Variants in SECISBP2L observed in about 807,000 individuals in gnomAD.
SECISBP2L encodes selenocysteine insertion sequence-binding protein 2-like.
A neutral mutation model predicts 114.7 loss-of-function variants in SECISBP2L; 43 were observed. The ratio of observed to expected loss-of-function variants is 0.38; its 90% CI spans 0.29 to 0.48. The LOEUF (loss-of-function observed/expected upper bound fraction) is 0.48. Among genes scored for constraint, SECISBP2L ranks in the 20% least tolerant of loss-of-function variants. The pLI is 0.98. For missense variants in SECISBP2L, 1,136 were observed against 1,301.1 expected (o/e 0.87, Z 1.95); for synonymous variants, 451 against 439.7 (o/e 1.03, Z -0.32).
Position 49,046,262 on chromosome 15 carries a change from C to T in SECISBP2L, c.24+14G>A. On this transcript the variant is annotated intron_variant, in intron 1 of 17. Transcript: ENST00000559471. ...CAACCCCCGGCTCGGCGGGCCCAGC[C>T]CAAACCCGCGTACCTGCTCCGTGGG... 6.4e-7 allele frequency: 1 copy of T among 1,563,462 alleles called. No homozygotes were observed. Among genetic ancestry groups the T allele is most frequent in the East Asian group, 2.4e-5 (1 of 41,342 alleles).
rs1247025281 is a variant in SECISBP2L, at chr15:49,011,773, C to T, written c.1822G>A (p.Asp608Asn). 1.9e-6 allele frequency: 3 copies of T among 1,614,084 alleles called. No homozygotes were observed. The highest frequency in any genetic ancestry group is 2.2e-5 in the East Asian group (1 of 44,852). Residue 608 changes from aspartate (D) to asparagine (N), a missense_variant, in exon 13 of 18, where the codon GAT becomes AAT. Asp to Asn is a conservative substitution (Grantham distance 23, BLOSUM62 1). Coordinates refer to ENST00000559471, the MANE Select transcript of SECISBP2L (RefSeq NM_001193489.2). ...GSEEPTEMHL[D>N]FIDDLPQEIV... Reference sequence around the variant, plus strand: ...TCCTGTGGCAAGTCATCAATAAAATCTAAGTGCATTTCTGTTGGTTCCTCG... The same window carrying T: ...TCCTGTGGCAAGTCATCAATAAAATTTAAGTGCATTTCTGTTGGTTCCTCG...
At chr15:49,035,790 C>T (rs1261373286) in intron 2 of SECISBP2L, 132 bp from the exon 3 acceptor site, 9 of 748,566 alleles carry the variant, frequency 1.2e-5, no homozygotes, top group Non-Finnish European at 1.7e-5. Context: ...GGAAAGGAGA[C>T]AAAACTATCA....
intron 2 of SECISBP2L, 56 bp from the exon 3 acceptor site, chr15:49,035,714 A>G (rs762069483): frequency 1.3e-4 from 189 of 1,480,402 alleles, no homozygotes; most frequent in Admixed American, 2.1e-4. Flanking sequence ...AAATACCACT[A>G]AAGCAAAATC....
At chr15:49,029,210 C>T (rs1902831279) in intron 4 of SECISBP2L, among the ~76,000 whole-genome samples, 1 of 152,140 alleles carries the variant, frequency 6.6e-6, no homozygotes, top group African/African-American at 2.4e-5. Flanking sequence ...CACTAAAATA[C>T]TAAAACCACC....
At chr15:49,004,008 G>A (rs1367865152) in intron 14 of SECISBP2L, among the ~76,000 whole-genome samples, 2 of 152,190 alleles carry the variant, frequency 1.3e-5, no homozygotes, top group African/African-American at 2.4e-5. Context: ...AGTTTCAGAA[G>A]GAATGGTACC....
chr15:48,989,783 A>AGGTCTTCAAAATATCCAT lies in SECISBP2L; in HGVS notation c.*2460_*2461insATGGATATTTTGAAGACC, dbSNP rs1901934654. On this transcript the variant is annotated 3_prime_UTR_variant, in exon 18 of 18. Coordinates refer to ENST00000559471, the MANE Select transcript of SECISBP2L (RefSeq NM_001193489.2). The stretch of plus-strand genomic sequence containing the variant: ...TACTCTTCCCACTGGATCTCTTTAT[A>AGGTCTTCAAAATATCCAT]GGTCTTCAAAGAGCCAACCATGCCC... 1 of 152,280 alleles carries AGGTCTTCAAAATATCCAT rather than the reference A, an allele frequency of 6.6e-6. No individual in the cohort carries two copies. The allele number at this position is 152,280 out of a possible 1,614,324, so 9.4% of individuals were successfully genotyped here. A position where few individuals can be genotyped will look rare whatever the true frequency, so the allele number is the denominator to read the frequency against.
At chr15:49,033,372 G>T (rs1385003412) in intron 3 of SECISBP2L, among the ~76,000 whole-genome samples, 1 of 152,052 alleles carries the variant, frequency 6.6e-6, no homozygotes, top group Non-Finnish European at 1.5e-5. Flanking sequence ...ATTTTTAACT[G>T]CTAATTTTCT....
intron 14 of SECISBP2L, among the ~76,000 whole-genome samples, chr15:49,004,558 G>A (rs1902278025): frequency 6.6e-6 from 1 of 152,184 alleles, no homozygotes; most frequent in Non-Finnish European, 1.5e-5. Flanking sequence ...ACTTTCTCCT[G>A]TGGGCATTTT....
chr15:48,998,415 C>G (rs1407319272), intron 16 of SECISBP2L, among the ~76,000 whole-genome samples: 2 of 152,060 alleles, frequency 1.3e-5, no homozygotes, highest in African/African-American at 4.8e-5. Context: ...AAAACAATAG[C>G]CCCTATGTGG....
chr15:48,989,426 C>A lies in SECISBP2L; in HGVS notation c.*2818G>T, dbSNP rs1566848616. The A allele has an allele frequency of 6.6e-6, 1 of 152,550 alleles. No individual in the cohort carries two copies. Among genetic ancestry groups the A allele is most frequent in the Non-Finnish European group, 1.5e-5 (1 of 68,016 alleles). The allele number at this position is 152,550 out of a possible 1,614,324, so 9.4% of individuals were successfully genotyped here. ...ATATAAAATACCATCTCTGCAAAAA[C>A]AACCTCCAGTCAAAGCCAGTAAAAA... On this transcript the variant is annotated 3_prime_UTR_variant, in exon 18 of 18. Transcript: ENST00000559471.
intron 9 of SECISBP2L, 53 bp from the exon 10 acceptor site, chr15:49,017,068 T>A: frequency 1.9e-6 from 3 of 1,569,452 alleles, no homozygotes; most frequent in Admixed American, 1.8e-5. Flanking sequence ...AAGTCAATCA[T>A]AAGGAAAAAG....
chr15:49,041,029 T>A (rs1044877083), intron 1 of SECISBP2L, among the ~76,000 whole-genome samples: 1 of 152,270 alleles, frequency 6.6e-6, no homozygotes, highest in Admixed American at 6.5e-5. Flanking sequence ...CAGTTTGAAT[T>A]TCTGTGTTTA....
chr15:49,026,093 G>C (rs1902735234), intron 7 of SECISBP2L, among the ~76,000 whole-genome samples: 1 of 152,088 alleles, frequency 6.6e-6, no homozygotes, highest in Admixed American at 6.6e-5. Flanking sequence ...TGAGCCTAGA[G>C]GACAATATGT....
rs1383729969 is a variant in SECISBP2L at position 49,009,291 on chromosome 15, G to A, written c.1952C>T (p.Ser651Phe). Reference sequence around the variant, plus strand: ...ACTGCCTATTCCAGAACTAGCAGGAGAGCCTTGTGACACAGGTGTCATACA... The same window carrying A: ...ACTGCCTATTCCAGAACTAGCAGGAAAGCCTTGTGACACAGGTGTCATACA... ...PYCMTPVSQG[S>F]PASSGIGSPM... The change falls in exon 14 of 18, where the codon TCT becomes TTT. Residue 651 changes from serine to phenylalanine, a missense_variant. Coordinates refer to ENST00000559471, the MANE Select transcript of SECISBP2L (RefSeq NM_001193489.2). The A allele has an allele frequency of 6.2e-7, 1 of 1,614,162 alleles. No individual in the cohort carries two copies.
intron 1 of SECISBP2L, among the ~76,000 whole-genome samples, chr15:49,044,032 G>A (rs1903193804): frequency 1.3e-5 from 2 of 151,896 alleles, no homozygotes; most frequent in African/African-American, 4.8e-5. Context: ...AATGCAGAAA[G>A]TCTATATTAA....
At chr15:49,036,435 T>A (rs1274026374) in intron 2 of SECISBP2L, among the ~76,000 whole-genome samples, 1 of 152,272 alleles carries the variant, frequency 6.6e-6, no homozygotes, top group Non-Finnish European at 1.5e-5. Flanking sequence ...TTCACGGCCA[T>A]ATTCTTAAAA....
Position 49,028,639 on chromosome 15 carries a change from AGTGGTCTC to A in SECISBP2L, c.700_707del (p.Glu234CysfsTer20). 1 of 1,614,180 alleles carries A rather than the reference AGTGGTCTC, an allele frequency of 6.2e-7. No homozygotes were observed. On this transcript the variant is annotated frameshift_variant, in exon 5 of 18. Coordinates refer to ENST00000559471, the MANE Select transcript of SECISBP2L (RefSeq NM_001193489.2). LOFTEE classifies it high-confidence loss of function. The stretch of plus-strand genomic sequence containing the variant: ...CCTTGGACTTCCAGAGCATTGTTGC[AGTGGTCTC>A]TGAGAGAGACTTGTTAGCGATATCT...
At chr15:49,009,546 C>T (rs948165103) in intron 13 of SECISBP2L, among the ~76,000 whole-genome samples, 168 bp from the exon 14 acceptor site, 4 of 152,122 alleles carry the variant, frequency 2.6e-5, no homozygotes, top group African/African-American at 9.7e-5. Flanking sequence ...ATGTTCCATA[C>T]ACTACAAAAA....
At chr15:49,012,100 T>C (rs1371632613) in intron 12 of SECISBP2L, among the ~76,000 whole-genome samples, 1 of 151,448 alleles carries the variant, frequency 6.6e-6, no homozygotes, top group Non-Finnish European at 1.5e-5. Context: ...CCATATCTGA[T>C]GCTTTAAATC....
Sources: gnomAD v4.1 joint callset for allele counts (sites outside exome capture counted in the v4.1 genomes callset) on GRCh38, gnomAD v4.1.1 for gene constraint, MANE v1.5 for transcripts, NCBI Gene and HGNC (gene_info 2026-07-23, HGNC 2026-07-21) for gene names.